IQGAP2: variants seen among roughly 807,000 people sequenced by gnomAD.
IQGAP2 encodes IQ motif containing GTPase activating protein 2.
In IQGAP2, 173 loss-of-function variants were observed where a neutral mutation model predicts 201.3. The ratio of observed to expected loss-of-function variants is 0.86; its 90% CI spans 0.76 to 0.98. The LOEUF (loss-of-function observed/expected upper bound fraction) is 0.98, where lower values mean the gene tolerates loss of function less well. Among genes scored for constraint, IQGAP2 ranks in the 50% least tolerant of loss-of-function variants. The probability of loss-of-function intolerance (pLI) is 0.00; values close to 1 mark genes in which losing one functional copy is unlikely to be tolerated. For missense variants in IQGAP2, 1,687 were observed against 1,864.8 expected (o/e 0.90, Z 1.76); for synonymous variants, 675 against 673.9 (o/e 1.00, Z -0.03).
At position 76,403,516 on chromosome 5, in the gene IQGAP2, G is replaced by T; in HGVS notation, c.-30G>T. The T allele has an allele frequency of 6.9e-7, 1 of 1,459,302 alleles. No homozygotes were observed. The highest frequency in any genetic ancestry group is 1.5e-5 in the African/African-American group (1 of 67,194). 90.4% of individuals were successfully genotyped at this position (1,459,302 alleles called of 1,614,324 possible). On this transcript the variant is annotated 5_prime_UTR_variant, in exon 1 of 36. Coordinates refer to ENST00000274364, the MANE Select transcript of IQGAP2 (RefSeq NM_006633.5). This position sits in a 1 kb window ranked among gnomAD's most constrained non-coding sequence, Gnocchi z 4.8. ...CAGCGAGGGTAGCCGCGGGGGGCGC[G>T]CCCCGGGCGGGCCCCCGGAGACGCG...
intron 14 of IQGAP2, chr5:76,628,751 A>G (rs1481886102): frequency 2.2e-6 from 1 of 455,862 alleles, no homozygotes; most frequent in East Asian, 6.9e-5. Context: ...GCTTAGAAAA[A>G]TGTGTGTATT....
intron 1 of IQGAP2, among the ~76,000 whole-genome samples, chr5:76,434,529 C>CT (rs1177541362): frequency 2.0e-5 from 3 of 152,074 alleles, no homozygotes; most frequent in Admixed American, 6.6e-5. Context: ...TTATTTCATT[C>CT]TTTTTTTATG....
chr5:76,559,108 A>G (rs1269076052), intron 2 of IQGAP2, among the ~76,000 whole-genome samples: 1 of 151,982 alleles, frequency 6.6e-6, no homozygotes, highest in African/African-American at 2.4e-5. Context: ...TCACCGTGTT[A>G]GCCAGGATGA....
chr5:76,648,692 C>T (rs899006170), intron 17 of IQGAP2, among the ~76,000 whole-genome samples: 17 of 152,118 alleles, frequency 1.1e-4, no homozygotes, highest in African/African-American at 3.4e-4. Context: ...AAACTAAAGC[C>T]TCAGCAAAGA....
At chr5:76,634,965 C>T (rs1580681079) in intron 15 of IQGAP2, among the ~76,000 whole-genome samples, 1 of 152,310 alleles carries the variant, frequency 6.6e-6, no homozygotes, top group East Asian at 1.9e-4. Context: ...GAAAGTAGCT[C>T]TCCTCAGCCT....
intron 2 of IQGAP2, among the ~76,000 whole-genome samples, chr5:76,481,219 G>A (rs961531208): frequency 3.9e-5 from 6 of 152,066 alleles, no homozygotes; most frequent in Middle Eastern, 3.4e-3. Context: ...TGTCTCTACC[G>A]GGGCTGTCCT....
rs558147456 is a variant in IQGAP2, at chr5:76,493,092, C to A, written c.146+31423C>A. Among the ~76,000 whole-genome samples, 11 of 152,300 alleles carry A rather than the reference C, an allele frequency of 7.2e-5. No individual in the cohort carries two copies. The South Asian group carries it at 2.3e-3, about 32-fold the overall frequency. On this transcript the variant is annotated intron_variant, in intron 2 of 35. Coordinates refer to ENST00000274364, the MANE Select transcript of IQGAP2 (RefSeq NM_006633.5). ...TCTCCCTGATGCTGTCAACTTCAGT[C>A]CCTTTTAACTGGTCTCCTGCTGCTT... is the stretch of plus-strand genomic sequence containing the variant.
intron 2 of IQGAP2, among the ~76,000 whole-genome samples, chr5:76,498,364 T>C (rs1345468413): frequency 6.6e-6 from 1 of 152,220 alleles, no homozygotes; most frequent in Non-Finnish European, 1.5e-5. Flanking sequence ...CAGATGGTGT[T>C]ATATCCATTT....
Position 76,675,672 on chromosome 5 carries a change from T to C in IQGAP2, c.3527+963T>C, listed in dbSNP as rs564262623. Among the ~76,000 whole-genome samples the C allele has an allele frequency of 6.6e-4, 100 of 152,334 alleles. No individual in the cohort carries two copies. The South Asian group carries it at 0.011, about 16-fold the overall frequency. On this transcript the variant is annotated intron_variant, in intron 27 of 35. Coordinates refer to ENST00000274364, the MANE Select transcript of IQGAP2 (RefSeq NM_006633.5). ...AGAAGTGTAACATCAGTTTGGCCTC[T>C]TTTAATCCTCACTTGGAAACTCATT...
intron 2 of IQGAP2, among the ~76,000 whole-genome samples, chr5:76,556,228 C>T (rs565555705): frequency 6.6e-6 from 1 of 152,246 alleles, no homozygotes; most frequent in Admixed American, 6.5e-5. Context: ...TCAGGTATGA[C>T]ATTTACATAG....
intron 1 of IQGAP2, among the ~76,000 whole-genome samples, chr5:76,431,030 A>T (rs1034376309): frequency 6.6e-5 from 10 of 152,198 alleles, no homozygotes; most frequent in Non-Finnish European, 1.2e-4. Context: ...GATTGTTTAC[A>T]GAAAAACATG....
chr5:76,420,716 A>G (rs1462024947), intron 1 of IQGAP2, among the ~76,000 whole-genome samples: 1 of 152,140 alleles, frequency 6.6e-6, no homozygotes, highest in Non-Finnish European at 1.5e-5. Context: ...CTCCATACAC[A>G]TTAAATAATA....
At chr5:76,595,112 A>G (rs1430828968) in intron 9 of IQGAP2, among the ~76,000 whole-genome samples, 2 of 152,126 alleles carry the variant, frequency 1.3e-5, no homozygotes, top group Non-Finnish European at 2.9e-5. Flanking sequence ...GGTAATGTCA[A>G]CAGATCTGTT....
intron 4 of IQGAP2, among the ~76,000 whole-genome samples, chr5:76,573,498 T>C (rs1431374304): frequency 6.6e-6 from 1 of 152,266 alleles, no homozygotes; most frequent in East Asian, 1.9e-4. Context: ...AAGGAAGTCA[T>C]TTATAATGGC....
chr5:76,502,235 G>A (rs760037431), intron 2 of IQGAP2, among the ~76,000 whole-genome samples: 6 of 152,154 alleles, frequency 3.9e-5, no homozygotes, highest in African/African-American at 1.2e-4. Flanking sequence ...CACATTCTGC[G>A]AACTCAAAGA....
chr5:76,685,906 G>A (rs1423296294), intron 30 of IQGAP2, among the ~76,000 whole-genome samples: 2 of 152,270 alleles, frequency 1.3e-5, no homozygotes, highest in South Asian at 4.1e-4. Flanking sequence ...TGTGAACCCT[G>A]TACCCATTAA....
chr5:76,496,912 C>T (rs1279972839), intron 2 of IQGAP2, among the ~76,000 whole-genome samples: 6 of 151,986 alleles, frequency 3.9e-5, no homozygotes, highest in Admixed American at 3.9e-4. Flanking sequence ...TCACTGCAAC[C>T]TCTGCCTCCT....
rs1230720119 is a variant in IQGAP2, at chr5:76,673,604, C to T, written c.3209+15C>T. On this transcript the variant is annotated intron_variant, in intron 25 of 35. Transcript: ENST00000274364. ...GATCTACTGCCGTAAGTTGTACTTGCAGCAAGTTTAACATTCTTTCCTGGA... is the reference window on the plus strand; with the variant it reads ...GATCTACTGCCGTAAGTTGTACTTGTAGCAAGTTTAACATTCTTTCCTGGA... The T allele has an allele frequency of 6.2e-7, 1 of 1,612,324 alleles. No individual in the cohort carries two copies. The highest frequency in any genetic ancestry group is 1.7e-5 in the Admixed American group (1 of 59,660).
At chr5:76,621,539 A>G (rs1259252611) in intron 13 of IQGAP2, among the ~76,000 whole-genome samples, 1 of 152,214 alleles carries the variant, frequency 6.6e-6, no homozygotes, top group Non-Finnish European at 1.5e-5. Flanking sequence ...CCTGAAGAGC[A>G]TGCCGTACAA....
Sources: allele counts gnomAD v4.1 joint callset (sites outside exome capture counted in the v4.1 genomes callset), GRCh38; gene constraint gnomAD v4.1.1; non-coding constraint Gnocchi (gnomAD v3.1); transcripts MANE v1.5; gene names NCBI Gene and HGNC (gene_info 2026-07-23, HGNC 2026-07-21).